The following AR variants were observed in gnomAD, a reference collection of about 807,000 sequenced individuals.
AR encodes the protein dihydrotestosterone receptor.
In AR, 8 loss-of-function variants were observed where a neutral mutation model predicts 53.9. The ratio of observed to expected loss-of-function variants is 0.15; its 90% CI spans 0.09 to 0.27. The LOEUF is 0.27. AR is among the 10% of genes least tolerant of loss of function. The pLI is 1.00. For synonymous variants in AR, 359 were observed against 316.4 expected (o/e 1.13, Z -1.43); for missense variants, 639 against 742.5 (o/e 0.86, Z 1.62).
chrX:67,583,896 A>G (rs780044359), intron 1 of AR, among the ~76,000 whole-genome samples: 2 of 111,801 alleles, frequency 1.8e-5, no homozygotes, highest in East Asian at 5.7e-4. Flanking sequence ...ATCCTGGTGA[A>G]GTTTTTCTGG....
chrX:67,547,362 C>T (rs935166394), intron 1 of AR, among the ~76,000 whole-genome samples: 4 of 111,596 alleles, frequency 3.6e-5, no homozygotes, highest in Non-Finnish European at 5.6e-5. Context: ...GGACTTGCTC[C>T]AGGGCTGGAG....
At position 67,665,865 on chromosome X, in the gene AR, G is replaced by A. The variant is rs760190493; in HGVS notation, c.1769-20145G>A. 2.5e-3 allele frequency among the ~76,000 whole-genome samples: 275 copies of A among 111,591 alleles called. 2 individuals carry two copies. The highest frequency in any genetic ancestry group is 8.4e-3 in the African/African-American group (258 of 30,658). On this transcript the variant is annotated intron_variant, in intron 2 of 7. Coordinates refer to ENST00000374690, the MANE Select transcript of AR (RefSeq NM_000044.6). ...ATATATGCATAAAATGGATCCTGCA[G>A]ATAAGCCTTTCTCTGACTAGTTTCA... is the stretch of plus-strand genomic sequence containing the variant.
In AR at chrX:67,612,639, G is replaced by A. The variant is rs562709213; in HGVS notation, c.1617-30617G>A. Among the ~76,000 whole-genome samples the A allele has an allele frequency of 8.0e-5, 9 of 112,289 alleles. No homozygotes were observed. In the South Asian group the frequency reaches 3.3e-3, roughly 42 times the overall value. On this transcript the variant is annotated intron_variant, in intron 1 of 7. Coordinates refer to ENST00000374690, the MANE Select transcript of AR (RefSeq NM_000044.6). ...CATGACTTCTGGAATGGCAGATCAA[G>A]GATCTGGTGGACCCTCTACTCAGTG... is the stretch of plus-strand genomic sequence containing the variant.
At chrX:67,698,095 G>A (rs185623596) in intron 3 of AR, among the ~76,000 whole-genome samples, 22 of 111,910 alleles carry the variant, frequency 2.0e-4, no homozygotes, top group Admixed American at 1.6e-3. Context: ...TGATAGAGCC[G>A]GAGTTACAAA....
chrX:67,582,017 T>C (rs188224543), intron 1 of AR, among the ~76,000 whole-genome samples: 2 of 111,802 alleles, frequency 1.8e-5, no homozygotes, highest in Non-Finnish European at 1.9e-5. Flanking sequence ...GTTTGAAAGA[T>C]CATCTGCCCA....
chrX:67,546,811 A>G (rs1929784299), intron 1 of AR, 49 bp downstream of exon 1: 1 of 1,150,701 alleles, frequency 8.7e-7, no homozygotes, highest in Non-Finnish European at 1.2e-6. Context: ...GGGCAGAGTC[A>G]CTCTGTGTTC....
chrX:67,648,985 A>G (rs1045674887), intron 2 of AR, among the ~76,000 whole-genome samples: 9 of 111,763 alleles, frequency 8.1e-5, no homozygotes, highest in Non-Finnish European at 1.9e-5. Flanking sequence ...ACAACCCGTC[A>G]TCTACATTAG....
rs188058716 is a variant in AR at position 67,703,485 on chromosome X, C to T, written c.1886-7917C>T. 3.6e-5 allele frequency among the ~76,000 whole-genome samples: 4 copies of T among 111,374 alleles called. No individual in the cohort carries two copies. The East Asian group carries it at 1.1e-3, about 32-fold the overall frequency. On this transcript the variant is annotated intron_variant, in intron 3 of 7. Coordinates refer to ENST00000374690, the MANE Select transcript of AR (RefSeq NM_000044.6). The stretch of plus-strand genomic sequence containing the variant: ...ATAATGTTATTTCTATCATTCTTTC[C>T]AATGACTGTCTCCTAGCATAGTTCC...
At chrX:67,675,876 C>T (rs967324873) in intron 2 of AR, among the ~76,000 whole-genome samples, 2 of 111,243 alleles carry the variant, frequency 1.8e-5, no homozygotes, top group Admixed American at 9.6e-5. Flanking sequence ...CATCTTGCTC[C>T]ACCTCTACCC....
At chrX:67,585,189 G>A (rs1186690529) in intron 1 of AR, among the ~76,000 whole-genome samples, 1 of 106,886 alleles carries the variant, frequency 9.4e-6, no homozygotes, top group East Asian at 3.0e-4. Flanking sequence ...CTGGAAAGCA[G>A]AGGTTGGAGA....
Position 67,722,907 on chromosome X carries a change from G to T in AR, c.2530G>T (p.Ala844Ser). Residue 844 changes from alanine to serine, a missense_variant, in exon 7 of 8, where the codon GCA becomes TCA. By Grantham distance (99) the Ala-to-Ser change is moderately conservative. Transcript: ENST00000374690. ...NYIKELDRII[A>S]CKRKNPTSCS... is the part of the protein sequence containing the mutation. The stretch of plus-strand genomic sequence containing the variant: ...CATCAAGGAACTCGATCGTATCATT[G>T]CATGCAAAAGAAAAAATCCCACATC... 1 of 1,210,914 alleles carries T rather than the reference G, an allele frequency of 8.3e-7. No homozygotes were observed. Among genetic ancestry groups the T allele is most frequent in the Non-Finnish European group, 1.1e-6 (1 of 894,877 alleles).
chrX:67,597,109 G>T (rs1157252705), intron 1 of AR, among the ~76,000 whole-genome samples: 1 of 111,906 alleles, frequency 8.9e-6, no homozygotes, highest in Non-Finnish European at 1.9e-5. Flanking sequence ...CTTCTCTTGA[G>T]CAGGAGTCAA....
chrX:67,619,743 G>T (rs1182004964), intron 1 of AR, among the ~76,000 whole-genome samples: 1 of 111,136 alleles, frequency 9.0e-6, no homozygotes. Context: ...GACGTATAGT[G>T]GTCCAGTAAA....
chrX:67,729,364 A>G lies in AR; in HGVS notation c.*5523A>G, dbSNP rs978481368. On this transcript the variant is annotated 3_prime_UTR_variant, in exon 8 of 8. Coordinates refer to ENST00000374690, the MANE Select transcript of AR (RefSeq NM_000044.6). ...TCTAGGTGAAGGCAGAAAAATCCACATTAGTTACTCCTCTTCAGACATTTC... is the reference window on the plus strand; with the variant it reads ...TCTAGGTGAAGGCAGAAAAATCCACGTTAGTTACTCCTCTTCAGACATTTC... 2 of 173,518 alleles carry G rather than the reference A, an allele frequency of 1.2e-5. No individual in the cohort carries two copies. The highest frequency in any genetic ancestry group is 5.9e-5 in the African/African-American group (2 of 33,861). The allele number at this position is 173,518 out of a possible 1,213,427, so 14.3% of individuals were successfully genotyped here. A position where few individuals can be genotyped will look rare whatever the true frequency, so the allele number is the denominator to read the frequency against.
intron 1 of AR, among the ~76,000 whole-genome samples, chrX:67,593,293 C>T (rs1320563390): frequency 1.8e-5 from 2 of 110,760 alleles, no homozygotes; most frequent in East Asian, 5.6e-4. Flanking sequence ...AATTTCTGAA[C>T]TTCTTAAAAT....
At position 67,728,969 on chromosome X, in the gene AR, C is replaced by A. The variant is rs1387988538; in HGVS notation, c.*5128C>A. On this transcript the variant is annotated 3_prime_UTR_variant, in exon 8 of 8. Transcript: ENST00000374690. ...GCCAAAAGCCTACCCAAGTGATTGA[C>A]CAGTGGCCCCCTAATGGGACCTGAG... 2 of 172,573 alleles carry A rather than the reference C, an allele frequency of 1.2e-5. No homozygotes were observed. Among genetic ancestry groups the A allele is most frequent in the Non-Finnish European group, 2.2e-5 (2 of 90,494 alleles). The allele number at this position is 172,573 out of a possible 1,213,427, so 14.2% of individuals were successfully genotyped here. A position where few individuals can be genotyped will look rare whatever the true frequency, so the allele number is the denominator to read the frequency against.
intron 1 of AR, among the ~76,000 whole-genome samples, chrX:67,550,412 C>G (rs1400846522): frequency 9.0e-6 from 1 of 110,999 alleles, no homozygotes; most frequent in Non-Finnish European, 1.9e-5. Flanking sequence ...GCATTTAAAA[C>G]AAAAATTCTT....
intron 1 of AR, among the ~76,000 whole-genome samples, chrX:67,640,778 A>T (rs1925715771): frequency 9.0e-6 from 1 of 110,964 alleles, no homozygotes; most frequent in Non-Finnish European, 1.9e-5. Flanking sequence ...TTTTGTAATT[A>T]TCTAATAATA....
chrX:67,662,780 A>C (rs1448129655), intron 2 of AR, among the ~76,000 whole-genome samples: 1 of 111,171 alleles, frequency 9.0e-6, no homozygotes, highest in Non-Finnish European at 1.9e-5. Context: ...TAGGTCTCTA[A>C]GGACTTGCTT....
Sources: allele counts gnomAD v4.1 joint callset (sites outside exome capture counted in the v4.1 genomes callset), GRCh38; gene constraint gnomAD v4.1.1; transcripts MANE v1.5; gene names NCBI Gene and HGNC (gene_info 2026-07-23, HGNC 2026-07-21).